AHR: variants seen among roughly 807,000 people sequenced by gnomAD.
AHR encodes AH-receptor.
Under a neutral mutation model 86.8 loss-of-function variants are expected in AHR, and 40 were observed. The ratio of observed to expected loss-of-function variants is 0.46; its 90% CI spans 0.36 to 0.60. AHR has a LOEUF of 0.60. AHR is among the 20% of genes least tolerant of loss of function. The pLI is 0.00. For synonymous variants in AHR, 398 were observed against 354.9 expected, an observed-to-expected ratio of 1.12 and a Z score of -1.37; for missense variants, 1,001 against 1,011.6, an observed-to-expected ratio of 0.99 and a Z score of 0.14.
rs969820594 is a variant in AHR at position 17,298,900 on chromosome 7, A to G, written c.-365A>G. 7.4e-6 allele frequency: 3 copies of G among 404,266 alleles called. No homozygotes were observed. Among genetic ancestry groups the G allele is most frequent in the Non-Finnish European group, 1.3e-5 (3 of 230,206 alleles). 25.0% of individuals were successfully genotyped at this position (404,266 alleles called of 1,614,324 possible). A position where few individuals can be genotyped will look rare whatever the true frequency, so the allele number is the denominator to read the frequency against. On this transcript the variant is annotated 5_prime_UTR_variant, in exon 1 of 11. Coordinates refer to ENST00000242057, the MANE Select transcript of AHR (RefSeq NM_001621.5). The stretch of plus-strand genomic sequence containing the variant: ...GGCGCCACCGTGAGCGACCCAGGCC[A>G]GGATTCTAAATAGACGGCCCAGGCT...
chr7:17,326,988 T>C (rs1782237036), intron 3 of AHR, among the ~76,000 whole-genome samples: 1 of 152,098 alleles, frequency 6.6e-6, no homozygotes, highest in Non-Finnish European at 1.5e-5. Flanking sequence ...AAGGTATTAG[T>C]TGATATTGGA....
intron 2 of AHR, among the ~76,000 whole-genome samples, chr7:17,316,940 ATCT>A (rs2115356499): frequency 6.6e-6 from 1 of 152,218 alleles, no homozygotes; most frequent in South Asian, 2.1e-4. Context: ...CAGGGTCTTC[ATCT>A]TCTCAGCATG....
chr7:17,335,294 C>A (rs1480470487), intron 8 of AHR, among the ~76,000 whole-genome samples: 4 of 151,892 alleles, frequency 2.6e-5, no homozygotes, highest in South Asian at 2.1e-4. Context: ...AATATTGTAA[C>A]AATAATAGTG....
intron 7 of AHR, among the ~76,000 whole-genome samples, chr7:17,334,373 G>T (rs149809425): frequency 9.2e-5 from 14 of 151,928 alleles, no homozygotes; most frequent in Non-Finnish European, 1.5e-4. Flanking sequence ...TGACATTTAT[G>T]TTGGTTTGTT....
chr7:17,335,906 C>G (rs1782350008), intron 9 of AHR, 120 bp downstream of exon 9: 1 of 1,075,902 alleles, frequency 9.3e-7, no homozygotes, highest in Non-Finnish European at 1.3e-6. Flanking sequence ...AAGTTTAATT[C>G]ATCTAGAAAG....
chr7:17,315,964 A>G (rs1438280287), intron 2 of AHR, among the ~76,000 whole-genome samples: 1 of 152,174 alleles, frequency 6.6e-6, no homozygotes, highest in Non-Finnish European at 1.5e-5. Flanking sequence ...AGTGAATAAA[A>G]TATTCCAGGG....
chr7:17,308,053 A>C (rs1219249242), intron 1 of AHR, among the ~76,000 whole-genome samples: 1 of 151,966 alleles, frequency 6.6e-6, no homozygotes, highest in Non-Finnish European at 1.5e-5. Context: ...ACCGCCCTAA[A>C]AGTTATATGT....
rs901385731 is a variant in AHR at position 17,298,849 on chromosome 7, G to A, written c.-416G>A. 15 of 398,856 alleles carry A rather than the reference G, an allele frequency of 3.8e-5. No homozygotes were observed. The highest frequency in any genetic ancestry group is 1.9e-4 in the African/African-American group (9 of 48,584). 24.7% of individuals were successfully genotyped at this position (398,856 alleles called of 1,614,324 possible). A position where few individuals can be genotyped will look rare whatever the true frequency, so the allele number is the denominator to read the frequency against. ...CGCGGCGGCACCTCCCTCACCCAAG[G>A]GGCCGCGGCGACGGTCACGGGGCGC... On this transcript the variant is annotated 5_prime_UTR_variant, in exon 1 of 11. Coordinates refer to ENST00000242057, the MANE Select transcript of AHR (RefSeq NM_001621.5).
At chr7:17,322,878 T>A (rs1782189128) in intron 3 of AHR, among the ~76,000 whole-genome samples, 2 of 152,060 alleles carry the variant, frequency 1.3e-5, no homozygotes, top group African/African-American at 4.8e-5. Context: ...ATTTTTCTAG[T>A]TTAGATACAA....
rs1358181024 is a variant in AHR at position 17,299,284 on chromosome 7, A to G, written c.20A>G (p.Asn7Ser). The G allele has an allele frequency of 3.7e-6, 6 of 1,612,400 alleles. No individual in the cohort carries two copies. The highest frequency in any genetic ancestry group is 1.3e-5 in the African/African-American group (1 of 75,012). Residue 7 changes from asparagine to serine, a missense_variant, in exon 1 of 11, where the codon AAC becomes AGC. Physicochemically the swap from Asn to Ser is conservative, Grantham distance 46. Coordinates refer to ENST00000242057, the MANE Select transcript of AHR (RefSeq NM_001621.5). ...GGCACCATGAACAGCAGCAGCGCCA[A>G]CATCACCTACGCCAGTCGCAAGCGG... The part of the protein sequence containing the change: MNSSSA[N>S]ITYASRKRRK...
chr7:17,326,892 G>A (rs1782236111), intron 3 of AHR, among the ~76,000 whole-genome samples: 2 of 152,024 alleles, frequency 1.3e-5, no homozygotes, highest in South Asian at 4.1e-4. Context: ...TTGAACTCAA[G>A]GAGAAAATAG....
rs188200161 is a variant in AHR, at chr7:17,299,603, T to C, written c.65+274T>C. ...CTCTCACATTTGCAACTTTGTTCTT[T>C]CTGATTTGGTCCTGATTTGTTGACA... On this transcript the variant is annotated intron_variant, in intron 1 of 10. Transcript: ENST00000242057. Among the ~76,000 whole-genome samples, 175 of 152,374 alleles carry C rather than the reference T, an allele frequency of 1.1e-3. 1 individual carries two copies. Among genetic ancestry groups the C allele is most frequent in the African/African-American group, 4.0e-3 (165 of 41,590 alleles).
chr7:17,331,948 C>T (rs1192737652), intron 6 of AHR, among the ~76,000 whole-genome samples: 1 of 151,900 alleles, frequency 6.6e-6, no homozygotes, highest in East Asian at 1.9e-4. Context: ...ATTTTGCTGA[C>T]CCAGAATTAG....
Position 17,334,738 on chromosome 7 carries a change from G to C in AHR, c.909-149G>C, listed in dbSNP as rs1231100116. Reference sequence around the variant, plus strand: ...AAAGAAGATCAGTTTACATGGATGTGTTTAATTTCACATCTACTTATGTGA... The same window carrying C: ...AAAGAAGATCAGTTTACATGGATGTCTTTAATTTCACATCTACTTATGTGA... On this transcript the variant is annotated intron_variant, in intron 7 of 10. Coordinates refer to ENST00000242057, the MANE Select transcript of AHR (RefSeq NM_001621.5). 5.1e-6 allele frequency: 3 copies of C among 583,772 alleles called. No individual in the cohort carries two copies. In the East Asian group the frequency reaches 8.5e-5, roughly 16 times the overall value. The allele number at this position is 583,772 out of a possible 1,614,324, so 36.2% of individuals were successfully genotyped here.
intron 6 of AHR, among the ~76,000 whole-genome samples, chr7:17,331,108 G>A (rs1220769649): frequency 6.6e-6 from 1 of 151,894 alleles, no homozygotes; most frequent in Non-Finnish European, 1.5e-5. Context: ...ATTACAGCTT[G>A]GGATTTGCCT....
intron 2 of AHR, among the ~76,000 whole-genome samples, chr7:17,316,451 T>C (rs950641580): frequency 6.6e-6 from 1 of 152,140 alleles, no homozygotes. Flanking sequence ...AGACCTCGTC[T>C]CCATACAAAA....
chr7:17,310,971 T>C (rs1417002708), intron 2 of AHR, among the ~76,000 whole-genome samples: 1 of 152,188 alleles, frequency 6.6e-6, no homozygotes, highest in Non-Finnish European at 1.5e-5. Flanking sequence ...CTGAAAACTG[T>C]TTGTCATTAA....
At chr7:17,312,271 C>A (rs1464862092) in intron 2 of AHR, among the ~76,000 whole-genome samples, 1 of 152,150 alleles carries the variant, frequency 6.6e-6, no homozygotes, top group Non-Finnish European at 1.5e-5. Context: ...AGGCATTATT[C>A]TCTGACTCTG....
At chr7:17,331,371 T>G (rs1782286947) in intron 6 of AHR, among the ~76,000 whole-genome samples, 1 of 151,942 alleles carries the variant, frequency 6.6e-6, no homozygotes, top group Admixed American at 6.6e-5. Flanking sequence ...TACCAAATAA[T>G]TTGATAAAGG....
Sources: allele counts gnomAD v4.1 joint callset (sites outside exome capture counted in the v4.1 genomes callset), GRCh38; gene constraint gnomAD v4.1.1; transcripts MANE v1.5; gene names NCBI Gene and HGNC (gene_info 2026-07-23, HGNC 2026-07-21).